The following RALYL variants were observed in gnomAD, a reference collection of about 807,000 sequenced individuals.
RALYL encodes the protein RNA-binding Raly-like protein.
In RALYL, 29 loss-of-function variants were observed where a neutral mutation model predicts 35.1. That is an observed-to-expected ratio of 0.83 (90% CI 0.61 to 1.13). The LOEUF is 1.13. Ranked by LOEUF, RALYL falls within the 50% of genes most tolerant of loss-of-function variation. RALYL has a pLI of 0.00. For synonymous variants in RALYL, 120 were observed against 127.6 expected, an observed-to-expected ratio of 0.94 and a Z score of 0.40; for missense variants, 359 against 360.4, an observed-to-expected ratio of 1.00 and a Z score of 0.03.
chr8:84,424,283 G>A (rs371110279), intron 1 of RALYL, among the ~76,000 whole-genome samples: 15 of 138,264 alleles, frequency 1.1e-4, no homozygotes, highest in Admixed American at 2.2e-4. Flanking sequence ...TTCCCTTCTC[G>A]CTTCATTTCA....
intron 1 of RALYL, among the ~76,000 whole-genome samples, chr8:84,469,895 C>T (rs572233689): frequency 2.0e-5 from 3 of 152,286 alleles, no homozygotes; most frequent in Non-Finnish European, 2.9e-5. Flanking sequence ...GGGAGTGACC[C>T]GATTTTCCAG....
intron 2 of RALYL, among the ~76,000 whole-genome samples, chr8:84,691,563 TTTAA>T (rs1447819504): frequency 6.6e-6 from 1 of 152,018 alleles, no homozygotes; most frequent in Non-Finnish European, 1.5e-5. Flanking sequence ...CACAGCCCCA[TTTAA>T]TTAAAGAAAG....
At chr8:84,591,238 C>A (rs1470540004) in intron 2 of RALYL, among the ~76,000 whole-genome samples, 1 of 152,076 alleles carries the variant, frequency 6.6e-6, no homozygotes, top group Non-Finnish European at 1.5e-5. Context: ...TAACGTAAGT[C>A]AGTTTTATGG....
chr8:84,889,394 G>A (rs922484494), intron 8 of RALYL, among the ~76,000 whole-genome samples: 3 of 152,088 alleles, frequency 2.0e-5, no homozygotes, highest in Non-Finnish European at 4.4e-5. Context: ...TTACTTCTCA[G>A]CAGAATTTTT....
At chr8:84,548,478 G>A (rs1221977000) in intron 2 of RALYL, among the ~76,000 whole-genome samples, 1 of 151,672 alleles carries the variant, frequency 6.6e-6, no homozygotes, top group African/African-American at 2.4e-5. Flanking sequence ...TTTTTTTGTG[G>A]CCATGTATTT....
At chr8:84,311,544 G>T (rs1385206406) in intron 1 of RALYL, among the ~76,000 whole-genome samples, 2 of 152,036 alleles carry the variant, frequency 1.3e-5, no homozygotes, top group Admixed American at 6.6e-5. Flanking sequence ...ATGTGCAAAA[G>T]CTATATAAAG....
At chr8:84,759,948 A>C (rs1161256965) in intron 2 of RALYL, among the ~76,000 whole-genome samples, 1 of 152,176 alleles carries the variant, frequency 6.6e-6, no homozygotes, top group Admixed American at 6.5e-5. Context: ...CCTTTCAGGC[A>C]GGTACCCAGC....
At chr8:84,237,811 C>A (rs1826921312) in intron 1 of RALYL, among the ~76,000 whole-genome samples, 1 of 151,858 alleles carries the variant, frequency 6.6e-6, no homozygotes, top group Non-Finnish European at 1.5e-5. Flanking sequence ...AAGAACATTT[C>A]AGATTGAAAA....
intron 1 of RALYL, among the ~76,000 whole-genome samples, chr8:84,430,368 A>G (rs1238048186): frequency 6.6e-6 from 1 of 152,130 alleles, no homozygotes; most frequent in Non-Finnish European, 1.5e-5. Flanking sequence ...TTCTTTGGGG[A>G]ATATTCATTG....
chr8:84,684,712 T>A (rs972428122), intron 2 of RALYL, among the ~76,000 whole-genome samples: 1 of 152,184 alleles, frequency 6.6e-6, no homozygotes, highest in African/African-American at 2.4e-5. Flanking sequence ...ATACCCAAAC[T>A]TTTTTCTGTA....
At chr8:84,332,398 A>G (rs1847000427) in intron 1 of RALYL, among the ~76,000 whole-genome samples, 1 of 152,102 alleles carries the variant, frequency 6.6e-6, no homozygotes, top group Non-Finnish European at 1.5e-5. Context: ...AGTTTGACCC[A>G]ATTGATTATT....
chr8:84,382,734 T>G (rs1858286938), intron 1 of RALYL, among the ~76,000 whole-genome samples: 1 of 151,670 alleles, frequency 6.6e-6, no homozygotes, highest in Non-Finnish European at 1.5e-5. Context: ...TCATATTTCA[T>G]ATAATGTTGA....
chr8:84,304,512 C>A (rs1251349095), intron 1 of RALYL, among the ~76,000 whole-genome samples: 2 of 152,012 alleles, frequency 1.3e-5, no homozygotes, highest in Admixed American at 1.3e-4. Context: ...ATGAGTTGTT[C>A]TCATCTTCTT....
chr8:84,217,921 G>T (rs940016868), intron 1 of RALYL, among the ~76,000 whole-genome samples: 2 of 151,978 alleles, frequency 1.3e-5, no homozygotes, highest in Non-Finnish European at 2.9e-5. Context: ...CATGTGAAAT[G>T]GCTATTATCA....
intron 8 of RALYL, among the ~76,000 whole-genome samples, chr8:84,907,596 C>T (rs1335252394): frequency 1.3e-5 from 2 of 152,008 alleles, no homozygotes; most frequent in Non-Finnish European, 2.9e-5. Flanking sequence ...AGTCAGGGTC[C>T]GTAAGATTCT....
At chr8:84,628,950 A>C (rs1235511623) in intron 2 of RALYL, among the ~76,000 whole-genome samples, 1 of 152,124 alleles carries the variant, frequency 6.6e-6, no homozygotes, top group Admixed American at 6.6e-5. Flanking sequence ...TCTAATAGGC[A>C]TAGATACAAA....
chr8:84,643,862 A>G (rs1404482850), intron 2 of RALYL, among the ~76,000 whole-genome samples: 1 of 151,992 alleles, frequency 6.6e-6, no homozygotes, highest in Non-Finnish European at 1.5e-5. Context: ...CGAGGTCTGT[A>G]TATCTTGTCC....
At chr8:84,226,606 C>A (rs1046689259) in intron 1 of RALYL, among the ~76,000 whole-genome samples, 2 of 88,314 alleles carry the variant, frequency 2.3e-5, no homozygotes, top group Non-Finnish European at 4.4e-5. Context: ...GGCTGGGAAG[C>A]AATATGACTT....
chr8:84,438,932 C>G (rs905258199), intron 1 of RALYL, among the ~76,000 whole-genome samples: 2 of 139,368 alleles, frequency 1.4e-5, no homozygotes, highest in African/African-American at 5.4e-5. Context: ...ATTATGTTCC[C>G]TTGGTCTATG....
Sources: gnomAD v4.1 joint callset for allele counts (sites outside exome capture counted in the v4.1 genomes callset) on GRCh38, gnomAD v4.1.1 for gene constraint, MANE v1.5 for transcripts, NCBI Gene and HGNC (gene_info 2026-07-23, HGNC 2026-07-21) for gene names.